AKAP10: variants seen among roughly 807,000 people sequenced by gnomAD.
AKAP10 encodes A-kinase anchor protein 10, mitochondrial.
Under a neutral mutation model 80.8 loss-of-function variants are expected in AKAP10, and 24 were observed. That is an observed-to-expected ratio of 0.30 (90% CI 0.22 to 0.42). AKAP10 has a LOEUF of 0.42. Among genes scored for constraint, AKAP10 ranks in the 10% least tolerant of loss-of-function variants. The pLI, the probability that AKAP10 is intolerant of heterozygous loss-of-function variation, is 1.00. For missense variants in AKAP10, 661 were observed against 794.9 expected, an observed-to-expected ratio of 0.83 and a Z score of 2.03; for synonymous variants, 291 against 277.7, an observed-to-expected ratio of 1.05 and a Z score of -0.48.
intron 11 of AKAP10, 35 bp from the exon 12 acceptor site, chr17:19,920,153 A>C (rs768350598): frequency 5.5e-6 from 8 of 1,466,872 alleles, no homozygotes; most frequent in Non-Finnish European, 7.6e-6. Flanking sequence ...TTAACTTCTA[A>C]CAATCAGTTT....
At chr17:19,944,570 G>A (rs1227147286) in intron 5 of AKAP10, among the ~76,000 whole-genome samples, 2 of 152,114 alleles carry the variant, frequency 1.3e-5, no homozygotes, top group East Asian at 1.9e-4. Context: ...CAGGGGAATC[G>A]CTTGAACCCA....
At chr17:19,931,172 C>T (rs1289511924) in intron 10 of AKAP10, among the ~76,000 whole-genome samples, 5 of 152,040 alleles carry the variant, frequency 3.3e-5, no homozygotes, top group Non-Finnish European at 1.5e-5. Flanking sequence ...AATTCATTCA[C>T]TTATTTTACA....
At chr17:19,961,365 A>G (rs965474095) in intron 3 of AKAP10, among the ~76,000 whole-genome samples, 13 of 151,972 alleles carry the variant, frequency 8.6e-5, no homozygotes, top group East Asian at 3.9e-4. Context: ...AAGAAAAAAA[A>G]AAAGAAAGAA....
intron 11 of AKAP10, among the ~76,000 whole-genome samples, chr17:19,923,941 A>G (rs1445659132): frequency 6.6e-6 from 1 of 152,220 alleles, no homozygotes; most frequent in Non-Finnish European, 1.5e-5. Context: ...ACACACCTTT[A>G]CATGTTAATC....
At chr17:19,955,015 T>C (rs949078911) in intron 4 of AKAP10, among the ~76,000 whole-genome samples, 1 of 149,238 alleles carries the variant, frequency 6.7e-6, no homozygotes, top group African/African-American at 2.5e-5. Flanking sequence ...AGGTCAAGAG[T>C]TTGAGACCAG....
chr17:19,975,875 G>A (rs2043559229), intron 1 of AKAP10, among the ~76,000 whole-genome samples: 1 of 152,066 alleles, frequency 6.6e-6, no homozygotes, highest in Non-Finnish European at 1.5e-5. Context: ...AAAAACAAAA[G>A]TTAACCACTT....
chr17:19,922,253 T>C (rs2042825668), intron 11 of AKAP10, among the ~76,000 whole-genome samples: 2 of 152,168 alleles, frequency 1.3e-5, no homozygotes, highest in South Asian at 4.1e-4. Context: ...AACATCAATA[T>C]ATCAGTTTAT....
chr17:19,936,977 T>C (rs932848280), intron 8 of AKAP10, among the ~76,000 whole-genome samples: 7 of 152,204 alleles, frequency 4.6e-5, no homozygotes, highest in Middle Eastern at 3.4e-3. Context: ...GACTTACTGA[T>C]GACTCGGTGT....
chr17:19,946,238 T>A (rs4005938), intron 5 of AKAP10, among the ~76,000 whole-genome samples: 1,984 of 8,560 alleles, frequency 0.23, 182 homozygotes, highest in Middle Eastern at 0.4. Flanking sequence ...ATATATATAT[T>A]ATATATATAT....
At chr17:19,933,041 G>A (rs1482528332) in intron 9 of AKAP10, among the ~76,000 whole-genome samples, 1 of 151,840 alleles carries the variant, frequency 6.6e-6, no homozygotes, top group South Asian at 2.1e-4. Context: ...TTTTTGAGAC[G>A]TATTTTCGCT....
chr17:19,930,705 A>G (rs2042922768), intron 10 of AKAP10, among the ~76,000 whole-genome samples: 1 of 152,048 alleles, frequency 6.6e-6, no homozygotes, highest in African/African-American at 2.4e-5. Flanking sequence ...GCAAGACTCC[A>G]TCATTTAAAA....
intron 1 of AKAP10, among the ~76,000 whole-genome samples, chr17:19,972,396 T>C (rs1223889054): frequency 6.6e-6 from 1 of 152,228 alleles, no homozygotes; most frequent in Non-Finnish European, 1.5e-5. Context: ...ATGTAAATCT[T>C]CTCTTCTAGA....
intron 7 of AKAP10, 67 bp from the exon 8 acceptor site, chr17:19,939,916 A>G: frequency 4.0e-6 from 6 of 1,500,816 alleles, no homozygotes; most frequent in Middle Eastern, 1.8e-4. Context: ...TCTCTAATCT[A>G]TAAGCTCAAA....
At chr17:19,968,069 C>T (rs921903050) in intron 2 of AKAP10, 20 of 182,722 alleles carry the variant, frequency 1.1e-4, no homozygotes, top group Non-Finnish European at 1.9e-4. Flanking sequence ...GGCGTGGCGC[C>T]GTGCACCTGT....
chr17:19,971,533 A>G (rs1236696471), intron 1 of AKAP10, among the ~76,000 whole-genome samples: 1 of 152,054 alleles, frequency 6.6e-6, no homozygotes, highest in Non-Finnish European at 1.5e-5. Flanking sequence ...AATTAATTAC[A>G]CAAATGACAC....
intron 5 of AKAP10, among the ~76,000 whole-genome samples, chr17:19,945,172 A>G (rs971119123): frequency 1.3e-5 from 2 of 152,230 alleles, no homozygotes; most frequent in African/African-American, 2.4e-5. Context: ...GATCCTTCAG[A>G]AGACTTTTCC....
At chr17:19,920,873 A>C (rs947931237) in intron 11 of AKAP10, among the ~76,000 whole-genome samples, 1 of 149,540 alleles carries the variant, frequency 6.7e-6, no homozygotes, top group African/African-American at 2.4e-5. Context: ...AAAAAAAAAA[A>C]AAAAAAAAAA....
intron 4 of AKAP10, among the ~76,000 whole-genome samples, chr17:19,954,381 T>C (rs558067161): frequency 6.6e-6 from 1 of 152,130 alleles, no homozygotes; most frequent in South Asian, 2.1e-4. Flanking sequence ...TAGACATCCA[T>C]ATGTAAAAAT....
At chr17:19,942,086 A>G (rs560785659) in intron 5 of AKAP10, among the ~76,000 whole-genome samples, 176 bp from the exon 6 acceptor site, 1 of 152,270 alleles carries the variant, frequency 6.6e-6, no homozygotes, top group Non-Finnish European at 1.5e-5. Context: ...TGAAGTACAT[A>G]TGCAAAAGCA....
Sources: gnomAD v4.1 joint callset for allele counts (sites outside exome capture counted in the v4.1 genomes callset) on GRCh38, gnomAD v4.1.1 for gene constraint, MANE v1.5 for transcripts, NCBI Gene and HGNC (gene_info 2026-07-23, HGNC 2026-07-21) for gene names.